The following UGGT1 variants were observed in gnomAD, a reference collection of about 807,000 sequenced individuals.
The protein encoded by UGGT1 is UDP-glucose glycoprotein glucosyltransferase 1, also known as UDP-glucose:glycoprotein glucosyltransferase 1.
A neutral mutation model predicts 203.9 loss-of-function variants in UGGT1; 107 were observed. That is an observed-to-expected ratio of 0.52 (90% confidence interval 0.45 to 0.62). The LOEUF is 0.62. UGGT1 is among the 20% of genes least tolerant of loss of function. The pLI is 0.00. For missense variants in UGGT1, 1,673 were observed against 1,867.2 expected (o/e 0.90, Z 1.92); for synonymous variants, 628 against 653.5 (o/e 0.96, Z 0.59).
At chr2:128,111,325 A>G (rs927072565) in intron 5 of UGGT1, among the ~76,000 whole-genome samples, 3 of 151,934 alleles carry the variant, frequency 2.0e-5, no homozygotes, top group Non-Finnish European at 4.4e-5. Flanking sequence ...ACTGCACTCT[A>G]CCTTGGGCAA....
chr2:128,168,920 G>T (rs1204240824), intron 26 of UGGT1, among the ~76,000 whole-genome samples: 1 of 152,000 alleles, frequency 6.6e-6, no homozygotes, highest in African/African-American at 2.4e-5. Context: ...GGTGGCATGT[G>T]CCTGTAATCC....
chr2:128,095,944 C>T (rs960271509), intron 1 of UGGT1, among the ~76,000 whole-genome samples: 1 of 152,062 alleles, frequency 6.6e-6, no homozygotes, highest in African/African-American at 2.4e-5. Flanking sequence ...CATTCTGAAG[C>T]CCAAGGATAG....
At chr2:128,091,674 C>CACTTGGCA in intron 1 of UGGT1, 1 of 1,161,138 alleles carries the variant, frequency 8.6e-7, no homozygotes, top group Non-Finnish European at 1.1e-6. Context: ...GATCCTTGTG[C>CACTTGGCA]CAAGTGCAGA....
intron 18 of UGGT1, among the ~76,000 whole-genome samples, chr2:128,149,398 A>G (rs1218282165): frequency 6.8e-6 from 1 of 146,740 alleles, no homozygotes; most frequent in African/African-American, 2.5e-5. Flanking sequence ...TAATCCCAGC[A>G]CTTTGGGAGG....
chr2:128,091,631 TC>T, intron 1 of UGGT1: 1 of 1,421,140 alleles, frequency 7.0e-7, no homozygotes, highest in South Asian at 1.5e-5. Context: ...CGGGCTCTGT[TC>T]AGCGGTCTTG....
chr2:128,110,322 G>A (rs1459968224), intron 5 of UGGT1, among the ~76,000 whole-genome samples: 2 of 152,100 alleles, frequency 1.3e-5, no homozygotes, highest in East Asian at 1.9e-4. Flanking sequence ...AAACAGAACC[G>A]TGATCTCTCC....
chr2:128,124,064 G>C (rs1049822163), intron 11 of UGGT1, among the ~76,000 whole-genome samples: 1 of 152,108 alleles, frequency 6.6e-6, no homozygotes, highest in Non-Finnish European at 1.5e-5. Context: ...TTCTTCCTCA[G>C]CCTCCCAAGT....
chr2:128,194,304 C>T lies in UGGT1; in HGVS notation c.*4562C>T, dbSNP rs894895726. 9 of 149,944 alleles carry T rather than the reference C, an allele frequency of 6.0e-5. No individual in the cohort carries two copies. The highest frequency in any genetic ancestry group is 2.0e-4 in the African/African-American group (8 of 40,534). The allele number at this position is 149,944 out of a possible 1,614,324, so 9.3% of individuals were successfully genotyped here. On this transcript the variant is annotated 3_prime_UTR_variant, in exon 41 of 41. Coordinates refer to ENST00000259253, the MANE Select transcript of UGGT1 (RefSeq NM_020120.4). ...TGAGACAGAATCTCGCTCTGTTGCTCAGGCTGGAGTGGAGTGCAGTGGCAC... is the reference window on the plus strand; with the variant it reads ...TGAGACAGAATCTCGCTCTGTTGCTTAGGCTGGAGTGGAGTGCAGTGGCAC...
intron 24 of UGGT1, 22 bp downstream of exon 24, chr2:128,160,613 C>T (rs1362358957): frequency 6.2e-7 from 1 of 1,602,034 alleles, no homozygotes; most frequent in South Asian, 1.1e-5. Flanking sequence ...TCAAGCTTGA[C>T]TTCACATTAG....
intron 18 of UGGT1, among the ~76,000 whole-genome samples, 166 bp downstream of exon 18, chr2:128,146,133 A>G (rs917160882): frequency 1.3e-5 from 2 of 152,022 alleles, no homozygotes; most frequent in African/African-American, 4.8e-5. Context: ...ATATGGCAAG[A>G]CCCCATTTCT....
chr2:128,117,617 C>T (rs189276431), intron 8 of UGGT1, among the ~76,000 whole-genome samples: 3 of 149,806 alleles, frequency 2.0e-5, no homozygotes, highest in African/African-American at 7.4e-5. Context: ...GATCTTGGCT[C>T]ACTGCAAGCT....
chr2:128,122,600 C>T (rs1039384820), intron 10 of UGGT1, among the ~76,000 whole-genome samples: 1 of 151,934 alleles, frequency 6.6e-6, no homozygotes, highest in African/African-American at 2.4e-5. Context: ...AATATTGCTG[C>T]ACATCTCATA....
chr2:128,097,476 C>G lies in UGGT1; in HGVS notation c.106C>G (p.Leu36Val), dbSNP rs146826191. ...GVLVVLTVLW[L>V]FSSVKADSKA... ...TCTGGTTGTACTCACTGTTCTGTGG[C>G]TGTTCTCCTCAGTAAAGGCCGACTC... is the stretch of plus-strand genomic sequence containing the variant. Residue 36 changes from leucine to valine, a missense_variant, in exon 2 of 41, where the codon CTG becomes GTG. By Grantham distance (32) the Leu-to-Val change is conservative (BLOSUM62 1). Coordinates refer to ENST00000259253, the MANE Select transcript of UGGT1 (RefSeq NM_020120.4). The G allele has an allele frequency of 3.9e-4, 632 of 1,614,062 alleles. No homozygotes were observed. The highest frequency in any genetic ancestry group is 5.1e-4 in the Non-Finnish European group (604 of 1,180,034).
chr2:128,145,526 ACACAAAC>A, intron 17 of UGGT1: 1 of 179,020 alleles, frequency 5.6e-6, no homozygotes, highest in Non-Finnish European at 9.4e-6. Flanking sequence ...ACACACACAT[ACACAAAC>A]ACACGTACAC....
chr2:128,173,944 A>C lies in UGGT1; in HGVS notation c.3453+5A>C. The C allele has an allele frequency of 6.2e-7, 1 of 1,613,906 alleles. No individual in the cohort carries two copies. The highest frequency in any genetic ancestry group is 1.1e-5 in the South Asian group (1 of 91,032). On this transcript the variant is annotated splice_donor_5th_base_variant and intron_variant, in intron 30 of 40. Transcript: ENST00000259253. Reference sequence around the variant, plus strand: ...ACCATTGTTATGGCCAATCTGGTAAATAATCTGTTCATCAGATAGTGATAT... The same window carrying C: ...ACCATTGTTATGGCCAATCTGGTAACTAATCTGTTCATCAGATAGTGATAT...
intron 11 of UGGT1, among the ~76,000 whole-genome samples, chr2:128,124,189 A>G (rs1573532489): frequency 6.6e-6 from 1 of 151,782 alleles, no homozygotes; most frequent in East Asian, 1.9e-4. Context: ...CTCATGATCC[A>G]CCCGCCTCGG....
intron 18 of UGGT1, among the ~76,000 whole-genome samples, chr2:128,148,356 G>A (rs1052060121): frequency 6.6e-6 from 1 of 152,194 alleles, no homozygotes; most frequent in Non-Finnish European, 1.5e-5. Flanking sequence ...GTGACTACAG[G>A]CATGTGCCAC....
intron 25 of UGGT1, among the ~76,000 whole-genome samples, chr2:128,164,178 A>G (rs1047273953): frequency 6.6e-6 from 1 of 152,184 alleles, no homozygotes. Context: ...AAACAAACAA[A>G]CAAAAATATT....
chr2:128,112,454 T>TTTTATATATATATA lies in UGGT1; in HGVS notation c.522-629_522-628insTTATATATATATAT, dbSNP rs149422257. ...AAAAAACCCCCCAAAAAATACTATGTTATATATATATATATATATTACATA... is the reference window on the plus strand; with the variant it reads ...AAAAAACCCCCCAAAAAATACTATGTTTTATATATATATATATATATATATATATATATTACATA... On this transcript the variant is annotated intron_variant, in intron 5 of 40. Transcript: ENST00000259253. Among the ~76,000 whole-genome samples, 11 of 55,810 alleles carry TTTTATATATATATA rather than the reference T, an allele frequency of 2.0e-4. 1 individual carries two copies. Among genetic ancestry groups the TTTTATATATATATA allele is most frequent in the African/African-American group, 4.8e-4 (9 of 18,896 alleles). The allele number at this position is 55,810 out of a possible 152,430, so 36.6% of individuals were successfully genotyped here.
Sources: allele counts gnomAD v4.1 joint callset (sites outside exome capture counted in the v4.1 genomes callset), GRCh38; gene constraint gnomAD v4.1.1; transcripts MANE v1.5; gene names NCBI Gene and HGNC (gene_info 2026-07-23, HGNC 2026-07-21).